Variants in EPHA6 observed in about 807,000 individuals in gnomAD.
EPHA6 encodes ephrin type-A receptor 6.
EPHA6 carries 50 observed loss-of-function variants against 112.0 expected under a neutral mutation model. The ratio of observed to expected loss-of-function variants is 0.45; its 90% CI spans 0.36 to 0.56. The LOEUF (loss-of-function observed/expected upper bound fraction) is 0.56, where lower values mean the gene tolerates loss of function less well. Ranked by LOEUF, EPHA6 falls within the 20% of genes least tolerant of loss-of-function variation. The pLI, the probability that EPHA6 is intolerant of heterozygous loss-of-function variation, is 0.00. For missense variants in EPHA6, 1,280 were observed against 1,417.4 expected (o/e 0.90, Z 1.56); for synonymous variants, 529 against 490.7 (o/e 1.08, Z -1.03).
intron 3 of EPHA6, among the ~76,000 whole-genome samples, chr3:97,201,103 T>C (rs549352619): frequency 9.2e-5 from 14 of 152,210 alleles, no homozygotes; most frequent in African/African-American, 3.1e-4. Context: ...CCATGCAAAA[T>C]AAAAGCCAAT....
chr3:97,485,178 T>C (rs919918257), intron 10 of EPHA6, among the ~76,000 whole-genome samples: 1 of 152,202 alleles, frequency 6.6e-6, no homozygotes, highest in African/African-American at 2.4e-5. Flanking sequence ...AGGTGTCATG[T>C]CTTTACAAAG....
intron 5 of EPHA6, among the ~76,000 whole-genome samples, chr3:97,273,093 A>T (rs1460505784): frequency 6.6e-6 from 1 of 152,110 alleles, no homozygotes; most frequent in African/African-American, 2.4e-5. Context: ...TGTCATTTAG[A>T]ATTATTGGTG....
intron 10 of EPHA6, among the ~76,000 whole-genome samples, chr3:97,519,250 G>A (rs932185010): frequency 3.9e-5 from 6 of 152,082 alleles, no homozygotes; most frequent in Non-Finnish European, 7.4e-5. Context: ...TATTGAAGAG[G>A]ATATCTTTTC....
chr3:97,248,145 A>G (rs941731768), intron 5 of EPHA6, among the ~76,000 whole-genome samples: 2 of 152,052 alleles, frequency 1.3e-5, no homozygotes, highest in African/African-American at 4.8e-5. Flanking sequence ...TAGGAGAAAC[A>G]TTCCTTGATT....
intron 6 of EPHA6, among the ~76,000 whole-genome samples, chr3:97,412,176 C>T (rs2087765146): frequency 1.3e-5 from 2 of 151,986 alleles, no homozygotes; most frequent in Non-Finnish European, 2.9e-5. Context: ...GTTCTGGTTA[C>T]AAGAAAACAA....
chr3:97,339,514 G>A (rs1212197435), intron 5 of EPHA6, among the ~76,000 whole-genome samples: 1 of 151,990 alleles, frequency 6.6e-6, no homozygotes, highest in South Asian at 2.1e-4. Flanking sequence ...TTTTAACAAC[G>A]TGGGCTTTGG....
chr3:97,588,894 T>C (rs1456698344), intron 11 of EPHA6, among the ~76,000 whole-genome samples: 1 of 152,206 alleles, frequency 6.6e-6, no homozygotes, highest in Non-Finnish European at 1.5e-5. Flanking sequence ...ATTTCAACTT[T>C]TATTTTAGAT....
rs374944009 is a variant in EPHA6 at position 97,660,967 on chromosome 3, T to C, written c.2784+22885T>C. ...AGTTTTCAATGTCTCTTTTCTGTAG[T>C]TTGTCATTTTTATCAATACATTTGC... On this transcript the variant is annotated intron_variant, in intron 14 of 17. Coordinates refer to ENST00000389672, the MANE Select transcript of EPHA6 (RefSeq NM_001080448.3). 2.2e-4 allele frequency among the ~76,000 whole-genome samples: 34 copies of C among 152,242 alleles called. No homozygotes were observed. The South Asian group carries it at 2.7e-3, about 12-fold the overall frequency.
At chr3:97,503,172 T>C (rs1323889562) in intron 10 of EPHA6, among the ~76,000 whole-genome samples, 1 of 152,124 alleles carries the variant, frequency 6.6e-6, no homozygotes, top group Non-Finnish European at 1.5e-5. Flanking sequence ...TTACAAAAAC[T>C]GACCTCAGGA....
At chr3:97,332,393 G>A (rs1447985586) in intron 5 of EPHA6, among the ~76,000 whole-genome samples, 4 of 151,942 alleles carry the variant, frequency 2.6e-5, no homozygotes, top group Non-Finnish European at 5.9e-5. Context: ...ACATAGTGTT[G>A]GAAGTTCTGG....
At chr3:96,953,758 T>A (rs1021079823) in intron 2 of EPHA6, among the ~76,000 whole-genome samples, 6 of 152,220 alleles carry the variant, frequency 3.9e-5, no homozygotes, top group Non-Finnish European at 7.3e-5. Context: ...CTTTCTCTTA[T>A]ACCCCATATT....
intron 5 of EPHA6, among the ~76,000 whole-genome samples, chr3:97,245,901 T>A (rs2108585975): frequency 6.6e-6 from 1 of 152,052 alleles, no homozygotes; most frequent in East Asian, 1.9e-4. Flanking sequence ...TTCCTAGTGT[T>A]CCATGATATT....
intron 14 of EPHA6, among the ~76,000 whole-genome samples, chr3:97,662,936 C>T (rs950453472): frequency 3.3e-5 from 5 of 152,298 alleles, no homozygotes; most frequent in Middle Eastern, 3.4e-3. Context: ...CTAAAGCCTG[C>T]TGGAACTCAC....
At chr3:97,278,327 C>G (rs1295285479) in intron 5 of EPHA6, among the ~76,000 whole-genome samples, 1 of 152,198 alleles carries the variant, frequency 6.6e-6, no homozygotes, top group South Asian at 2.1e-4. Context: ...TATGCTGATA[C>G]TTAAAGATGT....
intron 14 of EPHA6, among the ~76,000 whole-genome samples, chr3:97,641,262 A>C (rs930462953): frequency 2.0e-5 from 3 of 152,194 alleles, no homozygotes; most frequent in African/African-American, 4.8e-5. Context: ...TTTGTTTATA[A>C]ATTTTAGAGC....
intron 3 of EPHA6, among the ~76,000 whole-genome samples, chr3:97,140,901 T>C (rs1222187205): frequency 1.3e-5 from 2 of 151,954 alleles, no homozygotes; most frequent in African/African-American, 2.4e-5. Context: ...ATTAAAAACA[T>C]AAGATCCAAT....
At position 97,062,877 on chromosome 3, in the gene EPHA6, G is replaced by A. The variant is rs754580425; in HGVS notation, c.1114+74884G>A. On this transcript the variant is annotated intron_variant, in intron 3 of 17. Transcript: ENST00000389672. ...ATGTCTTTATCAGCAGTGTGAAAAC[G>A]GACTAATACAGATGTGAACAGACAC... Among the ~76,000 whole-genome samples, 43 of 151,920 alleles carry A rather than the reference G, an allele frequency of 2.8e-4. No homozygotes were observed. The Middle Eastern group carries it at 0.017, about 60-fold the overall frequency.
intron 3 of EPHA6, among the ~76,000 whole-genome samples, chr3:97,046,896 G>A (rs1346837787): frequency 6.6e-6 from 1 of 151,978 alleles, no homozygotes; most frequent in South Asian, 2.1e-4. Context: ...ATACTAAAAT[G>A]GATGAATGTA....
At chr3:97,574,560 AC>A (rs1462107327) in intron 11 of EPHA6, among the ~76,000 whole-genome samples, 1 of 152,128 alleles carries the variant, frequency 6.6e-6, no homozygotes, top group Non-Finnish European at 1.5e-5. Context: ...CAGAGATGTG[AC>A]CAGAGAGACT....
Sources: gnomAD v4.1 joint callset for allele counts (sites outside exome capture counted in the v4.1 genomes callset) on GRCh38, gnomAD v4.1.1 for gene constraint, MANE v1.5 for transcripts, NCBI Gene and HGNC (gene_info 2026-07-23, HGNC 2026-07-21) for gene names.